OCM: variants seen among roughly 807,000 people sequenced by gnomAD.
OCM encodes oncomodulin-1.
Under a neutral mutation model 14.1 loss-of-function variants are expected in OCM, and 18 were observed. That is an observed-to-expected ratio of 1.28 (90% CI 0.88 to 1.89). The LOEUF is 1.89. Among genes scored for constraint, OCM ranks in the 40% most tolerant of loss-of-function variants. The probability of loss-of-function intolerance (pLI) is 0.00; values close to 1 mark genes in which losing one functional copy is unlikely to be tolerated. For synonymous variants in OCM, 48 were observed against 51.0 expected (o/e 0.94, Z 0.25); for missense variants, 140 against 137.6 (o/e 1.02, Z -0.09).
chr7:5,861,299 T>C, the OCM span, among the ~76,000 whole-genome samples: 1 of 152,102 alleles, frequency 6.6e-6, no homozygotes, highest in Admixed American at 6.6e-5. Context: ...TGCGTGCCTG[T>C]AATCCCAGCT....
the OCM span, among the ~76,000 whole-genome samples, chr7:5,873,323 G>A: frequency 4.6e-5 from 7 of 152,102 alleles, no homozygotes. Flanking sequence ...GTCGCAGTGA[G>A]CCTAGATCTT....
the OCM span, among the ~76,000 whole-genome samples, chr7:5,866,895 C>T: frequency 5.9e-5 from 9 of 152,154 alleles, no homozygotes; most frequent in Non-Finnish European, 1.3e-4. Context: ...CCTATAACCG[C>T]CGTCCTGTGT....
At chr7:5,866,309 G>A in the OCM span, among the ~76,000 whole-genome samples, 12 of 143,408 alleles carry the variant, frequency 8.4e-5, no homozygotes, top group East Asian at 1.0e-3. Flanking sequence ...CTGGGCAACA[G>A]AGTGAGATGA....
At chr7:5,876,707 C>G (rs187613613), upstream of OCM, among the ~76,000 whole-genome samples, 234 of 152,224 alleles carry the variant, frequency 1.5e-3, no homozygotes, top group South Asian at 4.6e-3. Context: ...GTATACCATC[C>G]TGGTAGGAGA....
At chr7:5,867,397 C>A in the OCM span, among the ~76,000 whole-genome samples, 1 of 151,506 alleles carries the variant, frequency 6.6e-6, no homozygotes, top group Non-Finnish European at 1.5e-5. Context: ...GCCTTTATGA[C>A]CTTCATCTTC....
chr7:5,862,295 A>T, the OCM span, among the ~76,000 whole-genome samples: 4 of 152,050 alleles, frequency 2.6e-5, no homozygotes, highest in Admixed American at 1.3e-4. Flanking sequence ...CCAAATGGAG[A>T]GCTGTATTTT....
chr7:5,862,962 C>G, the OCM span, among the ~76,000 whole-genome samples: 1 of 150,552 alleles, frequency 6.6e-6, no homozygotes, highest in Non-Finnish European at 1.5e-5. Flanking sequence ...AACATGGACT[C>G]CTCTACTCCC....
chr7:5,884,988 T>G (rs1368344078), intron 3 of OCM, among the ~76,000 whole-genome samples: 1 of 151,812 alleles, frequency 6.6e-6, no homozygotes, highest in Non-Finnish European at 1.5e-5. Context: ...GTCATGGTGG[T>G]GGGCACCTGT....
chr7:5,866,414 GAGA>G, the OCM span, among the ~76,000 whole-genome samples: 1 of 88,866 alleles, frequency 1.1e-5, no homozygotes, highest in Non-Finnish European at 2.1e-5. Context: ...GGAAGGGGGG[GAGA>G]GAAGGAGGGA....
the OCM span, among the ~76,000 whole-genome samples, chr7:5,873,393 T>C: frequency 6.6e-6 from 1 of 152,062 alleles, no homozygotes; most frequent in African/African-American, 2.4e-5. Context: ...AAATTTTTTT[T>C]TAATTTAATT....
chr7:5,866,342 G>T, the OCM span, among the ~76,000 whole-genome samples: 1 of 140,738 alleles, frequency 7.1e-6, no homozygotes, highest in Admixed American at 7.3e-5. Context: ...AGGAGTGGGG[G>T]GGAGAGGGAG....
intron 1 of OCM, 79 bp from the exon 2 acceptor site, chr7:5,882,414 A>G: frequency 6.7e-7 from 1 of 1,502,066 alleles, no homozygotes. Flanking sequence ...GTTTTTAATT[A>G]TCTGTGTTTT....
chr7:5,878,358 A>AGAG (rs1491182681), upstream of OCM, among the ~76,000 whole-genome samples: 2 of 152,052 alleles, frequency 1.3e-5, no homozygotes, highest in African/African-American at 2.4e-5. Flanking sequence ...CAGTGGATAC[A>AGAG]GAGTTTCCGT....
chr7:5,880,226 A>G (rs1781181937), upstream of OCM, among the ~76,000 whole-genome samples: 1 of 152,224 alleles, frequency 6.6e-6, no homozygotes, highest in Non-Finnish European at 1.5e-5. Context: ...TGCTGTAGGA[A>G]AATGCCAGTG....
intron 3 of OCM, 25 bp downstream of exon 3, chr7:5,884,024 TAA>T (rs1450950579): frequency 6.2e-7 from 1 of 1,608,340 alleles, no homozygotes; most frequent in East Asian, 2.2e-5. Flanking sequence ...GTACGTAGCA[TAA>T]AACACTCTAG....
At chr7:5,881,066 C>A (rs1781205694) in intron 1 of OCM, 116 bp downstream of exon 1, 1 of 1,031,690 alleles carries the variant, frequency 9.7e-7, no homozygotes, top group Non-Finnish European at 1.5e-6. Context: ...CACCTGTAAT[C>A]CCAGCACTTT....
the OCM span, among the ~76,000 whole-genome samples, chr7:5,862,654 G>A: frequency 6.7e-6 from 1 of 149,644 alleles, no homozygotes; most frequent in Admixed American, 6.6e-5. Flanking sequence ...GATGAATGCA[G>A]CATAAACTCT....
the OCM span, among the ~76,000 whole-genome samples, chr7:5,867,949 G>C: frequency 6.6e-5 from 10 of 151,892 alleles, no homozygotes; most frequent in Admixed American, 6.6e-4. Flanking sequence ...TGTTGTCCAG[G>C]CTGGTCTCAA....
the OCM span, among the ~76,000 whole-genome samples, chr7:5,862,876 C>T: frequency 6.6e-6 from 1 of 151,938 alleles, no homozygotes; most frequent in South Asian, 2.1e-4. Context: ...AAGATGAATG[C>T]ATCATGGACT....
Sources: allele counts gnomAD v4.1 joint callset (sites outside exome capture counted in the v4.1 genomes callset), GRCh38; gene constraint gnomAD v4.1.1; transcripts MANE v1.5; gene names NCBI Gene and HGNC (gene_info 2026-07-23, HGNC 2026-07-21).